DNAAF19: variants seen among roughly 807,000 people sequenced by gnomAD.
DNAAF19 encodes the protein coiled-coil domain containing 103.
chr17:44,903,844 C>T, the DNAAF19 span: 1 of 1,547,140 alleles, frequency 6.5e-7, no homozygotes, highest in African/African-American at 1.4e-5. Flanking sequence ...ACCTGGCCCT[C>T]ACCACTGTGC....
the DNAAF19 span, chr17:44,903,599 C>T: frequency 1.5e-5 from 21 of 1,394,370 alleles, no homozygotes; most frequent in South Asian, 3.5e-4. Flanking sequence ...GAATGGCTTT[C>T]CCCCCCCACC....
the DNAAF19 span, chr17:44,902,285 A>G: frequency 4.5e-6 from 7 of 1,553,112 alleles, no homozygotes; most frequent in Non-Finnish European, 6.2e-6. Context: ...TAAGATGAAG[A>G]GCTACAGGCT....
At chr17:44,903,606 C>CA in the DNAAF19 span, 1 of 1,404,842 alleles carries the variant, frequency 7.1e-7, no homozygotes. Context: ...TTTCCCCCCC[C>CA]ACCCTGAGAT....
chr17:44,904,739 C>T, the DNAAF19 span: 584 of 1,550,558 alleles, frequency 3.8e-4, 7 homozygotes, highest in South Asian at 4.6e-3. Context: ...GGACAAAGAC[C>T]GCCAGCACCT....
At chr17:44,903,124 C>T in the DNAAF19 span, 1 of 1,285,524 alleles carries the variant, frequency 7.8e-7, no homozygotes, top group African/African-American at 1.5e-5. Context: ...TGTGCCCAAC[C>T]AAATGCTGGC....
At chr17:44,904,069 G>A in the DNAAF19 span, 5 of 1,550,526 alleles carry the variant, frequency 3.2e-6, no homozygotes, top group South Asian at 1.2e-5. Context: ...AAGTGCTGAC[G>A]GACTTTGATG....
At chr17:44,902,642 G>T in the DNAAF19 span, 2 of 1,614,180 alleles carry the variant, frequency 1.2e-6, no homozygotes. Flanking sequence ...CTGCTGAGCC[G>T]GGCAGAGAGA....
chr17:44,905,223 T>C, the DNAAF19 span: 1 of 655,552 alleles, frequency 1.5e-6, no homozygotes, highest in East Asian at 2.8e-5. Context: ...TGGGCAGGTC[T>C]GGGACCTGAT....
chr17:44,901,239 C>CCGT, the DNAAF19 span: 1 of 1,392,424 alleles, frequency 7.2e-7, no homozygotes, highest in African/African-American at 1.5e-5. Flanking sequence ...CCTGGCCCCA[C>CCGT]CGTCTACTGT....
At chr17:44,903,594 G>T in the DNAAF19 span, 2 of 1,403,898 alleles carry the variant, frequency 1.4e-6, no homozygotes, top group Non-Finnish European at 1.8e-6. Flanking sequence ...TTCTAGAATG[G>T]CTTTCCCCCC....
chr17:44,900,148 C>T, the DNAAF19 span, among the ~76,000 whole-genome samples: 1 of 152,122 alleles, frequency 6.6e-6, no homozygotes, highest in Admixed American at 6.5e-5. Context: ...TGGCTCACGC[C>T]TGTAATCCCA....
At chr17:44,904,875 G>T in the DNAAF19 span, 2 of 1,550,650 alleles carry the variant, frequency 1.3e-6, no homozygotes, top group Non-Finnish European at 8.7e-7. Context: ...TGGAGGCAGG[G>T]TGTGCTAGTT....
At chr17:44,903,373 C>G in the DNAAF19 span, 2 of 1,248,206 alleles carry the variant, frequency 1.6e-6, no homozygotes, top group Non-Finnish European at 2.0e-6. Flanking sequence ...GTCCAGCCAG[C>G]CTCCCGGATG....
At chr17:44,902,645 C>A in the DNAAF19 span, 7 of 1,613,964 alleles carry the variant, frequency 4.3e-6, no homozygotes, top group Non-Finnish European at 5.9e-6. Flanking sequence ...CTGAGCCGGG[C>A]AGAGAGAGAG....
chr17:44,901,720 A>ATTTTG, the DNAAF19 span: 36 of 1,559,192 alleles, frequency 2.3e-5, no homozygotes, highest in African/African-American at 2.1e-4. Context: ...CTGTTTTTTC[A>ATTTTG]TTTTGTTTTG....
the DNAAF19 span, chr17:44,903,157 CAT>C: frequency 7.9e-7 from 1 of 1,263,190 alleles, no homozygotes; most frequent in Middle Eastern, 3.0e-4. Flanking sequence ...AGCCTCCACT[CAT>C]AAAAGGGAAA....
At chr17:44,901,422 C>T in the DNAAF19 span, 1 of 1,369,200 alleles carries the variant, frequency 7.3e-7, no homozygotes, top group Admixed American at 2.0e-5. Context: ...TCATATTGGT[C>T]CGTAACAGGT....
chr17:44,905,159 G>A, the DNAAF19 span: 1 of 1,057,140 alleles, frequency 9.5e-7, no homozygotes, highest in Non-Finnish European at 1.4e-6. Context: ...CCTGGGTTGG[G>A]ACAGGTGGTA....
chr17:44,904,530 T>G, the DNAAF19 span: 13 of 1,550,228 alleles, frequency 8.4e-6, no homozygotes. Context: ...ACGCCTGAGG[T>G]GCTGGTTCGG....
Sources: allele counts gnomAD v4.1 joint callset (sites outside exome capture counted in the v4.1 genomes callset), GRCh38; gene constraint gnomAD v4.1.1; transcripts MANE v1.5; gene names NCBI Gene and HGNC (gene_info 2026-07-23, HGNC 2026-07-21).